RAB22A: variants seen among roughly 807,000 people sequenced by gnomAD.
RAB22A encodes ras-related protein Rab-22A.
A neutral mutation model predicts 30.2 loss-of-function variants in RAB22A; 13 were observed. The observed-to-expected ratio is 0.43, with a 90% CI of 0.28 to 0.68. The LOEUF is 0.68. Ranked by LOEUF, RAB22A falls within the 30% of genes least tolerant of loss-of-function variation. RAB22A has a pLI of 0.18. For missense variants in RAB22A, 177 were observed against 246.8 expected (o/e 0.72, Z 1.89); for synonymous variants, 89 against 87.2 (o/e 1.02, Z -0.11).
At chr20:58,338,021 GTTTA>G (rs1026565662) in intron 2 of RAB22A, among the ~76,000 whole-genome samples, 2 of 151,818 alleles carry the variant, frequency 1.3e-5, no homozygotes, top group African/African-American at 4.8e-5. Flanking sequence ...AGTTATGTTT[GTTTA>G]TTTTTTTTTA....
chr20:58,354,140 A>T lies in RAB22A; in HGVS notation c.378-16A>T. ...TTCATGGGTAGAATTTCTGATATGT[A>T]GTTGTTGCCTTCCAGAGAAGTCATG... On this transcript the variant is annotated splice_polypyrimidine_tract_variant and intron_variant, in intron 5 of 6. Coordinates refer to ENST00000244040, the MANE Select transcript of RAB22A (RefSeq NM_020673.3). The T allele has an allele frequency of 6.3e-7, 1 of 1,576,092 alleles. No individual in the cohort carries two copies. Among genetic ancestry groups the T allele is most frequent in the South Asian group, 1.1e-5 (1 of 89,980 alleles).
chr20:58,334,602 A>C (rs73915834), intron 2 of RAB22A, among the ~76,000 whole-genome samples: 304 of 152,048 alleles, frequency 2.0e-3, no homozygotes, highest in African/African-American at 7.1e-3. Flanking sequence ...TGGTCATTGG[A>C]GATGTCATGC....
At chr20:58,311,852 C>T (rs1179539609) in intron 2 of RAB22A, among the ~76,000 whole-genome samples, 1 of 152,178 alleles carries the variant, frequency 6.6e-6, no homozygotes, top group East Asian at 1.9e-4. Flanking sequence ...CTTTGTGCTC[C>T]ATGCAGATCA....
At chr20:58,324,421 G>C (rs1339355943) in intron 2 of RAB22A, among the ~76,000 whole-genome samples, 1 of 151,862 alleles carries the variant, frequency 6.6e-6, no homozygotes, top group East Asian at 1.9e-4. Context: ...TTTTGCCTTT[G>C]ATCAACTCTA....
At position 58,360,946 on chromosome 20, in the gene RAB22A, A is replaced by G. The variant is rs1280681718; in HGVS notation, c.*1243A>G. 1 of 152,598 alleles carries G rather than the reference A, an allele frequency of 6.6e-6. No homozygotes were observed. Among genetic ancestry groups the G allele is most frequent in the Admixed American group, 6.5e-5 (1 of 15,286 alleles). The allele number at this position is 152,598 out of a possible 1,614,324, so 9.5% of individuals were successfully genotyped here. On this transcript the variant is annotated 3_prime_UTR_variant, in exon 7 of 7. Transcript: ENST00000244040. Reference sequence around the variant, plus strand: ...TCAAGTCATTTACCTGGTCTTGGTAATAAGTTTCTTTTAGCTTGTACAGCA... The same window carrying G: ...TCAAGTCATTTACCTGGTCTTGGTAGTAAGTTTCTTTTAGCTTGTACAGCA...
chr20:58,309,759 C>T lies in RAB22A; in HGVS notation c.-218C>T. On this transcript the variant is annotated 5_prime_UTR_variant, in exon 1 of 7. Transcript: ENST00000244040. ...CCAAGATGGCGGCGGCGGCGGCTCC[C>T]GGAAGGCCGCGGCGGCGTCCCGGCT... 1 of 302,414 alleles carries T rather than the reference C, an allele frequency of 3.3e-6. No individual in the cohort carries two copies. 18.7% of individuals were successfully genotyped at this position (302,414 alleles called of 1,614,324 possible).
Position 58,320,078 on chromosome 20 carries a change from CT to C in RAB22A, c.116+8959del, listed in dbSNP as rs1986422684. ...TCTCCATGTAGTTTTCTGTAATAGT[CT>C]TTCTCTAGTTCTGGTGTCAGGACCT... is the stretch of plus-strand genomic sequence containing the variant. On this transcript the variant is annotated intron_variant, in intron 2 of 6. Transcript: ENST00000244040. Among the ~76,000 whole-genome samples, 5 of 152,126 alleles carry C rather than the reference CT, an allele frequency of 3.3e-5. No individual in the cohort carries two copies. In the South Asian group the frequency reaches 1.0e-3, roughly 32 times the overall value.
chr20:58,327,720 TAATTG>T (rs1690359177), intron 2 of RAB22A, among the ~76,000 whole-genome samples: 1 of 152,180 alleles, frequency 6.6e-6, no homozygotes, highest in South Asian at 2.1e-4. Context: ...TGAATTACAT[TAATTG>T]AATTTCAAAA....
At chr20:58,330,464 C>G (rs1986643523) in intron 2 of RAB22A, among the ~76,000 whole-genome samples, 1 of 151,352 alleles carries the variant, frequency 6.6e-6, no homozygotes, top group South Asian at 2.1e-4. Flanking sequence ...TTTCTCTTGA[C>G]CTTGGGTCAC....
At chr20:58,344,557 C>G (rs1986911887) in intron 3 of RAB22A, among the ~76,000 whole-genome samples, 1 of 152,220 alleles carries the variant, frequency 6.6e-6, no homozygotes, top group Non-Finnish European at 1.5e-5. Flanking sequence ...TCCAAGGTGT[C>G]TCTGGCAGCC....
In RAB22A at chr20:58,354,183, C is replaced by G; in HGVS notation, c.405C>G (p.Asp135Glu). ...VREVMERDAK[D>E]YADSIHAIFV... ...AAGTCATGGAGAGAGATGCAAAGGACTACGCCGACTCTATTCATGCAATTT... is the reference window on the plus strand; with the variant it reads ...AAGTCATGGAGAGAGATGCAAAGGAGTACGCCGACTCTATTCATGCAATTT... The change falls in exon 6 of 7, where the codon GAC becomes GAG. Residue 135 changes from aspartate (D) to glutamate (E), a missense_variant. Asp to Glu is a conservative substitution (Grantham distance 45). Coordinates refer to ENST00000244040, the MANE Select transcript of RAB22A (RefSeq NM_020673.3). 6.2e-7 allele frequency: 1 copy of G among 1,613,660 alleles called. No individual in the cohort carries two copies. The highest frequency in any genetic ancestry group is 8.5e-7 in the Non-Finnish European group (1 of 1,179,722).
At chr20:58,323,932 C>T (rs1231916547) in intron 2 of RAB22A, among the ~76,000 whole-genome samples, 1 of 152,010 alleles carries the variant, frequency 6.6e-6, no homozygotes, top group African/African-American at 2.4e-5. Context: ...GGAATAAATA[C>T]ACTTAGGTCA....
intron 3 of RAB22A, among the ~76,000 whole-genome samples, chr20:58,349,231 C>T (rs1468948530): frequency 6.6e-6 from 1 of 152,152 alleles, no homozygotes; most frequent in African/African-American, 2.4e-5. Context: ...GCAGAGCAAC[C>T]AAATGCAGTC....
In RAB22A at chr20:58,366,159, C is replaced by T. The variant is rs368925189; in HGVS notation, c.*6456C>T. ...GAAGCAGACTTCTCGCTTTATTTCC[C>T]TTAGGCTCATTTTTCTGTGGGCTCT... is the stretch of plus-strand genomic sequence containing the variant. On this transcript the variant is annotated 3_prime_UTR_variant, in exon 7 of 7. Transcript: ENST00000244040. The T allele has an allele frequency of 4.5e-4, 68 of 152,288 alleles. No homozygotes were observed. The highest frequency in any genetic ancestry group is 1.5e-3 in the African/African-American group (64 of 41,570). 9.4% of individuals were successfully genotyped at this position (152,288 alleles called of 1,614,324 possible). A position where few individuals can be genotyped will look rare whatever the true frequency, so the allele number is the denominator to read the frequency against.
chr20:58,358,837 G>A (rs1027976748), intron 6 of RAB22A, among the ~76,000 whole-genome samples: 1 of 151,592 alleles, frequency 6.6e-6, no homozygotes. Flanking sequence ...TTAGGTTGCA[G>A]TGAGCCGAGA....
chr20:58,340,247 C>A (rs187420433), intron 2 of RAB22A, among the ~76,000 whole-genome samples: 1 of 152,266 alleles, frequency 6.6e-6, no homozygotes, highest in East Asian at 1.9e-4. Context: ...GAGAGGGACA[C>A]AGTGACTTTG....
chr20:58,360,878 A>G lies in RAB22A; in HGVS notation c.*1175A>G, dbSNP rs1987214507. Reference sequence around the variant, plus strand: ...GACATATGCCACTTTGACAAACCTGACTAGTCCTTACTAGCCTGAGGGTAA... The same window carrying G: ...GACATATGCCACTTTGACAAACCTGGCTAGTCCTTACTAGCCTGAGGGTAA... On this transcript the variant is annotated 3_prime_UTR_variant, in exon 7 of 7. Transcript: ENST00000244040. 1.3e-5 allele frequency: 2 copies of G among 152,600 alleles called. No individual in the cohort carries two copies. Among genetic ancestry groups the G allele is most frequent in the Non-Finnish European group, 2.9e-5 (2 of 68,030 alleles). The allele number at this position is 152,600 out of a possible 1,614,324, so 9.5% of individuals were successfully genotyped here. A position where few individuals can be genotyped will look rare whatever the true frequency, so the allele number is the denominator to read the frequency against.
At chr20:58,354,293 C>T in intron 6 of RAB22A, 28 bp downstream of exon 6, 1 of 1,516,728 alleles carries the variant, frequency 6.6e-7, no homozygotes, top group South Asian at 1.2e-5. Flanking sequence ...TTATCCATTT[C>T]CTCTGTAAAA....
intron 2 of RAB22A, among the ~76,000 whole-genome samples, chr20:58,313,489 C>T (rs2122920747): frequency 6.6e-6 from 1 of 152,166 alleles, no homozygotes; most frequent in Admixed American, 6.5e-5. Flanking sequence ...CCGAATCCAC[C>T]CCACTCCACC....
Sources: gnomAD v4.1 joint callset for allele counts (sites outside exome capture counted in the v4.1 genomes callset) on GRCh38, gnomAD v4.1.1 for gene constraint, MANE v1.5 for transcripts, NCBI Gene and HGNC (gene_info 2026-07-23, HGNC 2026-07-21) for gene names.